Variants in SORL1 observed in about 807,000 individuals in gnomAD.
SORL1 encodes the protein sortilin-related receptor.
SORL1 carries 127 observed loss-of-function variants against 273.7 expected under a neutral mutation model. The observed-to-expected ratio is 0.46, with a 90% CI of 0.40 to 0.54. SORL1 has a LOEUF of 0.54. Among genes scored for constraint, SORL1 ranks in the 20% least tolerant of loss-of-function variants. SORL1 has a pLI of 0.00. For missense variants in SORL1, 2,494 were observed against 2,846.1 expected, an observed-to-expected ratio of 0.88 and a Z score of 2.81; for synonymous variants, 1,031 against 1,067.4, an observed-to-expected ratio of 0.97 and a Z score of 0.66.
intron 16 of SORL1, 125 bp from the exon 17 acceptor site, chr11:121,553,812 A>G (rs1487704057): frequency 2.3e-6 from 2 of 876,934 alleles, no homozygotes; most frequent in Non-Finnish European, 3.6e-6. Context: ...TGTGCTCTTC[A>G]CTTGGTCCAC....
At chr11:121,457,673 C>T (rs575926332) in intron 1 of SORL1, among the ~76,000 whole-genome samples, 3 of 152,290 alleles carry the variant, frequency 2.0e-5, no homozygotes, top group Admixed American at 6.5e-5. Context: ...TCACTTCAAG[C>T]GTTCTTGCAG....
At chr11:121,509,410 C>G (rs1317166514) in intron 6 of SORL1, among the ~76,000 whole-genome samples, 3 of 152,144 alleles carry the variant, frequency 2.0e-5, no homozygotes, top group Non-Finnish European at 4.4e-5. Flanking sequence ...TCTTTTTGCT[C>G]TTGACACAAT....
chr11:121,463,297 T>C (rs1861031196), intron 1 of SORL1, among the ~76,000 whole-genome samples: 1 of 152,048 alleles, frequency 6.6e-6, no homozygotes, highest in African/African-American at 2.4e-5. Context: ...AGGGGTGATA[T>C]TATGTTCATG....
At chr11:121,498,875 C>CAAA (rs5795273) in intron 6 of SORL1, among the ~76,000 whole-genome samples, 2 of 144,574 alleles carry the variant, frequency 1.4e-5, no homozygotes, top group East Asian at 2.0e-4. Context: ...GACTCTGTCT[C>CAAA]AAAAAAAAAA....
chr11:121,625,258 G>C lies in SORL1; in HGVS notation c.6345G>C (p.Leu2115=). The C allele has an allele frequency of 1.2e-6, 2 of 1,613,452 alleles. No homozygotes were observed. The highest frequency in any genetic ancestry group is 1.7e-6 in the Non-Finnish European group (2 of 1,179,748). ...TCTGTGGGGAGCCTGCCATCCTGCTGTACGATGAGCTGGGGTCTGGTGAGT... is the reference window on the plus strand; with the variant it reads ...TCTGTGGGGAGCCTGCCATCCTGCTCTACGATGAGCTGGGGTCTGGTGAGT... The part of the protein sequence containing the change: ...NQICGEPAIL[L]YDELGSGADA... The change falls in exon 46 of 48, where the codon CTG becomes CTC. Residue 2115 remains leucine, a synonymous_variant. Transcript: ENST00000260197.
At chr11:121,486,565 C>T (rs1453762340) in intron 3 of SORL1, among the ~76,000 whole-genome samples, 4 of 151,524 alleles carry the variant, frequency 2.6e-5, no homozygotes, top group East Asian at 3.9e-4. Context: ...CTGCAAGCTC[C>T]GCCTCCTGGG....
intron 45 of SORL1, 70 bp from the exon 46 acceptor site, chr11:121,625,015 T>C: frequency 3.4e-6 from 4 of 1,162,718 alleles, no homozygotes; most frequent in Non-Finnish European, 5.0e-6. Context: ...CACATAAAGA[T>C]GGAACCAGTA....
chr11:121,535,182 A>T (rs536199508), intron 12 of SORL1, among the ~76,000 whole-genome samples: 1 of 152,022 alleles, frequency 6.6e-6, no homozygotes, highest in Admixed American at 6.6e-5. Flanking sequence ...ACTGTGCTCC[A>T]TGTCAATGAC....
At chr11:121,598,643 T>C (rs935998332) in intron 32 of SORL1, among the ~76,000 whole-genome samples, 2 of 152,256 alleles carry the variant, frequency 1.3e-5, no homozygotes, top group African/African-American at 4.8e-5. Flanking sequence ...TTCACACTTT[T>C]GTTGTTCCTT....
intron 6 of SORL1, among the ~76,000 whole-genome samples, chr11:121,507,722 T>A (rs114921846): frequency 0.014 from 2,140 of 152,252 alleles, 54 homozygotes; most frequent in African/African-American, 0.048. Context: ...TTTGAACATA[T>A]TTATAATAGC....
At chr11:121,625,396 A>C in intron 46 of SORL1, 119 bp downstream of exon 46, 1 of 820,074 alleles carries the variant, frequency 1.2e-6, no homozygotes. Context: ...AGCTTAAAAG[A>C]AAATCATTTA....
chr11:121,597,251 C>T (rs1301534013), intron 32 of SORL1, among the ~76,000 whole-genome samples: 8 of 152,282 alleles, frequency 5.3e-5, no homozygotes, highest in African/African-American at 1.4e-4. Context: ...ACAGGGTGCC[C>T]GACTGGGCTC....
chr11:121,584,585 A>C (rs1863065016), intron 26 of SORL1, among the ~76,000 whole-genome samples: 1 of 151,908 alleles, frequency 6.6e-6, no homozygotes, highest in Non-Finnish European at 1.5e-5. Flanking sequence ...CTGCCTCATT[A>C]GAAGTGATTT....
intron 44 of SORL1, among the ~76,000 whole-genome samples, chr11:121,621,910 A>C (rs571602316): frequency 2.1e-4 from 32 of 152,312 alleles, no homozygotes; most frequent in African/African-American, 7.2e-4. Flanking sequence ...GTTTTTGTAC[A>C]CACTTGGTTA....
chr11:121,542,803 T>A lies in SORL1; in HGVS notation c.1686-745T>A, dbSNP rs913095913. On this transcript the variant is annotated intron_variant, in intron 12 of 47. Transcript: ENST00000260197. The stretch of plus-strand genomic sequence containing the variant: ...GATTTAGTTATTGCAGTGGGGATAA[T>A]TTTTCTGTAATTATATTATATTATA... 2.0e-5 allele frequency among the ~76,000 whole-genome samples: 3 copies of A among 149,572 alleles called. No homozygotes were observed. The Admixed American group carries it at 2.0e-4, about 10-fold the overall frequency.
intron 45 of SORL1, among the ~76,000 whole-genome samples, chr11:121,623,548 T>G (rs556083335): frequency 1.3e-5 from 2 of 152,376 alleles, no homozygotes; most frequent in East Asian, 1.9e-4. Context: ...GTTGATGTTG[T>G]GTAATCTCAA....
chr11:121,593,744 G>T (rs182393759), intron 31 of SORL1, among the ~76,000 whole-genome samples: 1 of 152,268 alleles, frequency 6.6e-6, no homozygotes, highest in Non-Finnish European at 1.5e-5. Flanking sequence ...GCTCTGGTTT[G>T]TATTGGTTGC....
rs558523270 is a variant in SORL1 at position 121,478,335 on chromosome 11, C to G, written c.528+92C>G. 140 of 1,388,822 alleles carry G rather than the reference C, an allele frequency of 1.0e-4. 1 individual carries two copies. The Admixed American group carries it at 3.1e-3, about 31-fold the overall frequency. 86.0% of individuals were successfully genotyped at this position (1,388,822 alleles called of 1,614,324 possible). A position where few individuals can be genotyped will look rare whatever the true frequency, so the allele number is the denominator to read the frequency against. ...TAAGGGGGTGCTAGGAGATGGCGCT[C>G]TCTGTGATCTTTGTAGCATGACTGG... On this transcript the variant is annotated intron_variant, in intron 3 of 47. Coordinates refer to ENST00000260197, the MANE Select transcript of SORL1 (RefSeq NM_003105.6).
In SORL1 at chr11:121,612,895, C is replaced by T. The variant is rs558230401; in HGVS notation, c.5419+63C>T. 559 of 1,177,376 alleles carry T rather than the reference C, an allele frequency of 4.7e-4. 3 individuals carry two copies. The highest frequency in any genetic ancestry group is 2.1e-4 in the Non-Finnish European group (165 of 795,330). 72.9% of individuals were successfully genotyped at this position (1,177,376 alleles called of 1,614,324 possible). ...GGGTAAGGCTGGACCAATGCTTTCC[C>T]GCTGTAGAGCTTGACTGGGGGTGCC... On this transcript the variant is annotated intron_variant, in intron 40 of 47. Coordinates refer to ENST00000260197, the MANE Select transcript of SORL1 (RefSeq NM_003105.6).
Sources: allele counts gnomAD v4.1 joint callset (sites outside exome capture counted in the v4.1 genomes callset), GRCh38; gene constraint gnomAD v4.1.1; transcripts MANE v1.5; gene names NCBI Gene and HGNC (gene_info 2026-07-23, HGNC 2026-07-21).